ACSM5: variants seen among roughly 807,000 people sequenced by gnomAD.
The protein encoded by ACSM5 is acyl-CoA synthetase medium chain family member 5, also known as acyl-coenzyme A synthetase ACSM5, mitochondrial.
Under a neutral mutation model 71.6 loss-of-function variants are expected in ACSM5, and 56 were observed. The ratio of observed to expected loss-of-function variants is 0.78; its 90% CI spans 0.63 to 0.98. The LOEUF (loss-of-function observed/expected upper bound fraction) is 0.98. ACSM5 is among the 50% of genes least tolerant of loss of function. The probability of loss-of-function intolerance (pLI) is 0.00; values close to 1 mark genes in which losing one functional copy is unlikely to be tolerated. For missense variants in ACSM5, 723 were observed against 726.0 expected, an observed-to-expected ratio of 1.00 and a Z score of 0.05; for synonymous variants, 285 against 281.5, an observed-to-expected ratio of 1.01 and a Z score of -0.12.
In ACSM5 at chr16:20,439,517, C is replaced by T. The variant is rs532478187; in HGVS notation, c.1537-283C>T. On this transcript the variant is annotated intron_variant, in intron 12 of 13. Coordinates refer to ENST00000331849, the MANE Select transcript of ACSM5 (RefSeq NM_017888.3). The stretch of plus-strand genomic sequence containing the variant: ...CAAAATATTTGCTTCTTAAGAGAAG[C>T]GATGTTGGCTTCAAATGGTGTCATT... Among the ~76,000 whole-genome samples, 14 of 151,456 alleles carry T rather than the reference C, an allele frequency of 9.2e-5. No homozygotes were observed. In the East Asian group the frequency reaches 2.5e-3, roughly 27 times the overall value.
intron 12 of ACSM5, among the ~76,000 whole-genome samples, chr16:20,438,211 G>A (rs2141663246): frequency 6.6e-6 from 1 of 152,048 alleles, no homozygotes. Flanking sequence ...CTTTTCACTG[G>A]CTTACATCCA....
intron 10 of ACSM5, among the ~76,000 whole-genome samples, chr16:20,433,933 C>T (rs1029472894): frequency 6.6e-6 from 1 of 151,744 alleles, no homozygotes; most frequent in Non-Finnish European, 1.5e-5. Flanking sequence ...TGCCTCAGCC[C>T]ACCAAAATGC....
intron 3 of ACSM5, 51 bp from the exon 4 acceptor site, chr16:20,419,177 C>A (rs768814228): frequency 1.1e-5 from 18 of 1,586,800 alleles, no homozygotes; most frequent in Non-Finnish European, 1.6e-5. Flanking sequence ...TACCTCTATA[C>A]CCAAGGCCTT....
chr16:20,421,145 C>A (rs776918923), intron 4 of ACSM5, 113 bp from the exon 5 acceptor site: 23 of 1,330,248 alleles, frequency 1.7e-5, no homozygotes, highest in Non-Finnish European at 2.3e-5. Context: ...TTCAGCACAG[C>A]ACCTCACATG....
chr16:20,427,051 C>T (rs189432037), intron 6 of ACSM5, among the ~76,000 whole-genome samples: 1 of 151,598 alleles, frequency 6.6e-6, no homozygotes, highest in Admixed American at 6.6e-5. Flanking sequence ...ACCTGTAATC[C>T]CAGCACTTTG....
At chr16:20,437,683 A>G (rs1225470726) in intron 12 of ACSM5, among the ~76,000 whole-genome samples, 27 of 147,582 alleles carry the variant, frequency 1.8e-4, no homozygotes, top group African/African-American at 6.9e-4. Flanking sequence ...AGTCTTTTCT[A>G]TTTGCAGATG....
intron 6 of ACSM5, among the ~76,000 whole-genome samples, chr16:20,426,609 G>A (rs937080777): frequency 1.4e-4 from 21 of 152,196 alleles, no homozygotes; most frequent in Non-Finnish European, 2.8e-4. Context: ...ATGATATAAC[G>A]TGGATAACCC....
intron 10 of ACSM5, among the ~76,000 whole-genome samples, chr16:20,432,922 G>A (rs112349696): frequency 3.8e-5 from 5 of 132,764 alleles, no homozygotes; most frequent in South Asian, 4.8e-4. Context: ...ACAGTGGTGC[G>A]ATCTTGGCTC....
chr16:20,425,908 C>T (rs1454711412), intron 6 of ACSM5, among the ~76,000 whole-genome samples: 1 of 152,108 alleles, frequency 6.6e-6, no homozygotes, highest in Non-Finnish European at 1.5e-5. Context: ...GTGCAAGTAT[C>T]TTTTTCATAT....
chr16:20,411,658 T>A lies in ACSM5; in HGVS notation c.174T>A (p.Asp58Glu), dbSNP rs1462536375. The A allele has an allele frequency of 1.9e-6, 3 of 1,614,006 alleles. No individual in the cohort carries two copies. The South Asian group carries it at 3.3e-5, about 18-fold the overall frequency. ...CTGAGTACTTCAACTTCGCCCATGA[T>A]GTGCTGGATGTGTGGAGTCGGCTGG... ...LVPEYFNFAH[D>E]VLDVWSRLEE... The change falls in exon 2 of 14, where the codon GAT becomes GAA. Residue 58 changes from aspartate to glutamate, a missense_variant. Asp to Glu is a conservative substitution (Grantham distance 45, BLOSUM62 2). Coordinates refer to ENST00000331849, the MANE Select transcript of ACSM5 (RefSeq NM_017888.3).
At chr16:20,418,725 C>G (rs141704927) in intron 3 of ACSM5, among the ~76,000 whole-genome samples, 179 of 152,226 alleles carry the variant, frequency 1.2e-3, no homozygotes, top group Non-Finnish European at 2.4e-3. Context: ...GGTTTGGGAG[C>G]CTTGCTTTAG....
chr16:20,432,689 G>A (rs928009916), intron 10 of ACSM5, among the ~76,000 whole-genome samples: 2 of 152,026 alleles, frequency 1.3e-5, no homozygotes, highest in African/African-American at 4.8e-5. Context: ...CAGGACTCTG[G>A]TACTTACTGC....
intron 2 of ACSM5, among the ~76,000 whole-genome samples, chr16:20,413,194 G>T (rs549229197): frequency 5.3e-5 from 8 of 152,132 alleles, no homozygotes; most frequent in Non-Finnish European, 1.0e-4. Context: ...AATACTAGGG[G>T]TATCCTTAGA....
chr16:20,430,867 A>C (rs1308186978), intron 8 of ACSM5, 126 bp from the exon 9 acceptor site: 9 of 658,380 alleles, frequency 1.4e-5, no homozygotes, highest in Admixed American at 5.3e-5. Flanking sequence ...GAAAGAAAGA[A>C]GAAAGTGAGG....
At chr16:20,412,966 G>T (rs778784481) in intron 2 of ACSM5, among the ~76,000 whole-genome samples, 1 of 152,168 alleles carries the variant, frequency 6.6e-6, no homozygotes, top group African/African-American at 2.4e-5. Flanking sequence ...TTAAAAGCAG[G>T]ATTTGCAGTC....
chr16:20,428,880 G>C (rs184082161), intron 7 of ACSM5, among the ~76,000 whole-genome samples: 1 of 152,312 alleles, frequency 6.6e-6, no homozygotes, highest in East Asian at 1.9e-4. Flanking sequence ...TAATTTGGAT[G>C]ATTTGTTGAA....
intron 6 of ACSM5, among the ~76,000 whole-genome samples, chr16:20,425,741 C>T (rs8059661): frequency 1.3e-5 from 2 of 151,734 alleles, no homozygotes; most frequent in East Asian, 3.9e-4. Context: ...CATCCAGGTC[C>T]CTGCGAATGC....
chr16:20,424,040 C>T lies in ACSM5; in HGVS notation c.892C>T (p.Pro298Ser), dbSNP rs750836384. ...NGSCIFVHELPRVDAKVILNT... is the reference protein window; with the variant it reads ...NGSCIFVHELSRVDAKVILNT... ...ATCTTGCATTTTTGTGCATGAGCTG[C>T]CCCGAGTTGATGCCAAAGTTATCCT... is the stretch of plus-strand genomic sequence containing the variant. Residue 298 changes from proline to serine, a missense_variant, in exon 6 of 14, where the codon CCC (proline) becomes TCC (serine). Transcript: ENST00000331849. The T allele has an allele frequency of 1.5e-5, 24 of 1,613,916 alleles. No individual in the cohort carries two copies. The highest frequency in any genetic ancestry group is 4.0e-5 in the African/African-American group (3 of 74,886).
At chr16:20,414,155 G>A (rs1966852345) in intron 2 of ACSM5, among the ~76,000 whole-genome samples, 1 of 152,114 alleles carries the variant, frequency 6.6e-6, no homozygotes, top group South Asian at 2.1e-4. Context: ...GAAAGAGCAT[G>A]GCAATGGTTA....
Sources: allele counts gnomAD v4.1 joint callset (sites outside exome capture counted in the v4.1 genomes callset), GRCh38; gene constraint gnomAD v4.1.1; transcripts MANE v1.5; gene names NCBI Gene and HGNC (gene_info 2026-07-23, HGNC 2026-07-21).